Variants in RIT2 observed in about 807,000 individuals in gnomAD.
RIT2 encodes the protein GTP-binding protein Rit2.
RIT2 carries 24 observed loss-of-function variants against 23.7 expected under a neutral mutation model. The ratio of observed to expected loss-of-function variants is 1.01; its 90% CI spans 0.73 to 1.43. The LOEUF (loss-of-function observed/expected upper bound fraction) is 1.43, where lower values mean the gene tolerates loss of function less well. Ranked by LOEUF, RIT2 falls within the 40% of genes most tolerant of loss-of-function variation. RIT2 has a pLI of 0.00. For synonymous variants in RIT2, 107 were observed against 91.1 expected, an observed-to-expected ratio of 1.17 and a Z score of -0.99; for missense variants, 236 against 266.9, an observed-to-expected ratio of 0.88 and a Z score of 0.81.
At chr18:42,772,429 GC>G (rs1478376919) in intron 4 of RIT2, among the ~76,000 whole-genome samples, 1 of 151,896 alleles carries the variant, frequency 6.6e-6, no homozygotes, top group African/African-American at 2.4e-5. Flanking sequence ...CCTCAGCAGT[GC>G]CTTCAACCCT....
At chr18:42,887,536 C>T (rs947109400) in intron 4 of RIT2, among the ~76,000 whole-genome samples, 1 of 152,116 alleles carries the variant, frequency 6.6e-6, no homozygotes, top group Non-Finnish European at 1.5e-5. Context: ...CGGGAATTCT[C>T]CTTCATTACT....
chr18:43,048,265 C>T (rs1036402188), intron 1 of RIT2, among the ~76,000 whole-genome samples: 1 of 152,152 alleles, frequency 6.6e-6, no homozygotes, highest in Non-Finnish European at 1.5e-5. Flanking sequence ...TAGTGTTAAA[C>T]ATGACATTAA....
intron 4 of RIT2, among the ~76,000 whole-genome samples, chr18:42,793,678 A>T (rs568882438): frequency 6.6e-6 from 1 of 152,342 alleles, no homozygotes; most frequent in East Asian, 1.9e-4. Flanking sequence ...GAAGTTGGAC[A>T]GATAAAGAGA....
chr18:42,789,289 T>G (rs1333456200), intron 4 of RIT2, among the ~76,000 whole-genome samples: 2 of 152,216 alleles, frequency 1.3e-5, no homozygotes, highest in African/African-American at 4.8e-5. Flanking sequence ...AAACAGGTCT[T>G]GATTATCACC....
intron 2 of RIT2, among the ~76,000 whole-genome samples, chr18:42,993,356 C>G (rs941817669): frequency 6.6e-6 from 1 of 152,226 alleles, no homozygotes; most frequent in African/African-American, 2.4e-5. Flanking sequence ...AAGACTGACA[C>G]TGCCCGATTG....
chr18:43,100,354 A>G (rs1913654722), intron 1 of RIT2, among the ~76,000 whole-genome samples: 2 of 152,186 alleles, frequency 1.3e-5, no homozygotes, highest in South Asian at 2.1e-4. Context: ...ATGGAAGCTG[A>G]TATTTCTGAA....
intron 1 of RIT2, among the ~76,000 whole-genome samples, chr18:43,048,914 T>C (rs545782811): frequency 2.3e-4 from 35 of 152,298 alleles, no homozygotes; most frequent in Non-Finnish European, 4.3e-4. Flanking sequence ...AATTAATGAA[T>C]TAGTAGAGAA....
intron 4 of RIT2, among the ~76,000 whole-genome samples, chr18:42,894,432 G>T (rs76688367): frequency 1.3e-5 from 2 of 151,720 alleles, no homozygotes; most frequent in East Asian, 3.8e-4. Flanking sequence ...CTAATTCCTG[G>T]ATGGATAATG....
At chr18:42,978,422 CA>C in intron 2 of RIT2, among the ~76,000 whole-genome samples, 1 of 151,994 alleles carries the variant, frequency 6.6e-6, no homozygotes, top group East Asian at 1.9e-4. Context: ...TCCCCATAAA[CA>C]ATCTTTCTGT....
intron 4 of RIT2, among the ~76,000 whole-genome samples, chr18:42,886,754 AT>A (rs1331274875): frequency 3.9e-5 from 6 of 152,364 alleles, no homozygotes; most frequent in African/African-American, 1.4e-4. Context: ...GAAGGGCAAC[AT>A]GAAAATTAAA....
intron 1 of RIT2, among the ~76,000 whole-genome samples, chr18:43,044,977 CTAAA>C (rs1207087078): frequency 6.6e-6 from 1 of 152,122 alleles, no homozygotes; most frequent in Admixed American, 6.5e-5. Context: ...ATATTAAAAA[CTAAA>C]TATTACCAGT....
At chr18:42,795,514 A>AG in intron 4 of RIT2, among the ~76,000 whole-genome samples, 1 of 151,988 alleles carries the variant, frequency 6.6e-6, no homozygotes, top group African/African-American at 2.4e-5. Flanking sequence ...TGAGCCTCCC[A>AG]CCCCCTCCAT....
At chr18:42,837,125 C>T (rs1228762096) in intron 4 of RIT2, among the ~76,000 whole-genome samples, 1 of 121,938 alleles carries the variant, frequency 8.2e-6, no homozygotes, top group Non-Finnish European at 1.7e-5. Context: ...TGTTAAAGTG[C>T]TATAAAAATT....
At chr18:43,105,132 T>TGTGTTTGTG (rs1568083682) in intron 1 of RIT2, among the ~76,000 whole-genome samples, 2 of 87,808 alleles carry the variant, frequency 2.3e-5, no homozygotes, top group Non-Finnish European at 2.4e-5. Flanking sequence ...GTGTGTGTGT[T>TGTGTTTGTG]TGTGTGTGTG....
At chr18:43,094,678 A>T (rs545400884) in intron 1 of RIT2, among the ~76,000 whole-genome samples, 1 of 152,220 alleles carries the variant, frequency 6.6e-6, no homozygotes, top group South Asian at 2.1e-4. Flanking sequence ...TAAGAATGAA[A>T]ATAAGTCAAA....
At chr18:42,897,376 G>A (rs576270384) in intron 4 of RIT2, among the ~76,000 whole-genome samples, 1 of 152,246 alleles carries the variant, frequency 6.6e-6, no homozygotes, top group East Asian at 1.9e-4. Context: ...TTGGTGCCCA[G>A]AGGGACTAGG....
intron 1 of RIT2, among the ~76,000 whole-genome samples, chr18:43,107,915 G>A (rs533828383): frequency 6.3e-4 from 96 of 151,750 alleles, no homozygotes; most frequent in African/African-American, 2.2e-3. Context: ...TGTAACCCCA[G>A]CCCTTTGGAA....
chr18:42,815,124 C>A (rs1166632566), intron 4 of RIT2, among the ~76,000 whole-genome samples: 1 of 152,122 alleles, frequency 6.6e-6, no homozygotes, highest in African/African-American at 2.4e-5. Context: ...TTTTGCATCC[C>A]CCCAAAATCA....
chr18:42,749,476 G>A (rs648543), intron 4 of RIT2, among the ~76,000 whole-genome samples: 81,815 of 151,442 alleles, frequency 0.54, 24,934 homozygotes, highest in Middle Eastern at 0.71. Context: ...AAACAGATAA[G>A]TAAGTAAAAT....
Sources: gnomAD v4.1 joint callset for allele counts (sites outside exome capture counted in the v4.1 genomes callset) on GRCh38, gnomAD v4.1.1 for gene constraint, MANE v1.5 for transcripts, NCBI Gene and HGNC (gene_info 2026-07-23, HGNC 2026-07-21) for gene names.